Variants in PAK5 observed in about 807,000 individuals in gnomAD.
PAK5 encodes p21 (RAC1) activated kinase 5.
Under a neutral mutation model 65.9 loss-of-function variants are expected in PAK5, and 16 were observed. That is an observed-to-expected ratio of 0.24 (90% CI 0.16 to 0.37). The LOEUF (loss-of-function observed/expected upper bound fraction) is 0.37, where lower values mean the gene tolerates loss of function less well. Ranked by LOEUF, PAK5 falls within the 10% of genes least tolerant of loss-of-function variation. PAK5 has a pLI of 1.00. For missense variants in PAK5, 785 were observed against 903.9 expected (o/e 0.87, Z 1.69); for synonymous variants, 371 against 354.9 (o/e 1.05, Z -0.51).
At chr20:9,753,018 T>C (rs1600328474) in intron 1 of PAK5, among the ~76,000 whole-genome samples, 2 of 152,050 alleles carry the variant, frequency 1.3e-5, no homozygotes, top group African/African-American at 2.4e-5. Flanking sequence ...TCAGTTATCC[T>C]AGAAGTTCCA....
At chr20:9,736,855 C>G (rs1946488516) in intron 1 of PAK5, among the ~76,000 whole-genome samples, 1 of 152,126 alleles carries the variant, frequency 6.6e-6, no homozygotes, top group South Asian at 2.1e-4. Flanking sequence ...CACTATAACA[C>G]ATCATAATTA....
chr20:9,551,518 G>A (rs911790044), intron 7 of PAK5, among the ~76,000 whole-genome samples: 1 of 152,160 alleles, frequency 6.6e-6, no homozygotes, highest in African/African-American at 2.4e-5. Context: ...GTGGAGGGTT[G>A]GGGGCTAGTG....
intron 2 of PAK5, among the ~76,000 whole-genome samples, chr20:9,651,435 C>T (rs1276671578): frequency 1.3e-5 from 2 of 152,092 alleles, no homozygotes; most frequent in Non-Finnish European, 2.9e-5. Context: ...GCTACTTGAC[C>T]CCTATTACAA....
chr20:9,617,579 G>C (rs1414481170), intron 3 of PAK5, among the ~76,000 whole-genome samples: 4 of 99,416 alleles, frequency 4.0e-5, no homozygotes, highest in African/African-American at 1.1e-4. Flanking sequence ...TTTTTGAAAT[G>C]GAGTCTCGCT....
chr20:9,545,233 A>T (rs764042098), intron 7 of PAK5, among the ~76,000 whole-genome samples: 12 of 152,130 alleles, frequency 7.9e-5, no homozygotes, highest in Non-Finnish European at 1.8e-4. Context: ...GGAGGAAAAA[A>T]ACTTGGAAAT....
At chr20:9,694,317 TGTTTGTG>T (rs1569044131) in intron 2 of PAK5, among the ~76,000 whole-genome samples, 3 of 30,972 alleles carry the variant, frequency 9.7e-5, no homozygotes, top group Non-Finnish European at 1.5e-4. Context: ...TGTGTGTGTG[TGTTTGTG>T]TGTGTGTGTG....
chr20:9,619,657 T>C (rs572411288), intron 3 of PAK5, among the ~76,000 whole-genome samples: 20 of 152,352 alleles, frequency 1.3e-4, no homozygotes, highest in African/African-American at 4.8e-4. Flanking sequence ...AGTCTTGCCC[T>C]ATTGAGGTAA....
intron 3 of PAK5, among the ~76,000 whole-genome samples, chr20:9,614,937 T>C (rs1569000019): frequency 6.6e-6 from 1 of 152,240 alleles, no homozygotes; most frequent in South Asian, 2.1e-4. Flanking sequence ...ATTTTTAACT[T>C]GTTACTCTTA....
intron 2 of PAK5, among the ~76,000 whole-genome samples, chr20:9,651,268 T>C (rs1016082852): frequency 6.6e-6 from 1 of 152,162 alleles, no homozygotes; most frequent in Admixed American, 6.5e-5. Context: ...AACTAAGACA[T>C]GAAAAGTGGC....
At chr20:9,569,638 A>G (rs2045741699) in intron 4 of PAK5, among the ~76,000 whole-genome samples, 1 of 152,166 alleles carries the variant, frequency 6.6e-6, no homozygotes, top group Non-Finnish European at 1.5e-5. Context: ...ATCTGGTGAC[A>G]TGGTAGAGGC....
At chr20:9,631,730 A>G (rs1405878823) in intron 3 of PAK5, among the ~76,000 whole-genome samples, 1 of 152,198 alleles carries the variant, frequency 6.6e-6, no homozygotes, top group Non-Finnish European at 1.5e-5. Flanking sequence ...GCTGATATGA[A>G]GGTTCTCAAC....
intron 3 of PAK5, among the ~76,000 whole-genome samples, chr20:9,617,183 C>A (rs1318366924): frequency 1.3e-5 from 2 of 152,196 alleles, no homozygotes; most frequent in African/African-American, 4.8e-5. Context: ...GTAACCCTGC[C>A]AAGTTAAAGC....
Position 9,732,953 on chromosome 20 carries a change from T to A in PAK5, c.-161-21518A>T, listed in dbSNP as rs1396617855. Reference sequence around the variant, plus strand: ...GCATAATCTGGAAAAGACATCAACTTCTCTCTCTTACCAATACTGTTGGAA... The same window carrying A: ...GCATAATCTGGAAAAGACATCAACTACTCTCTCTTACCAATACTGTTGGAA... On this transcript the variant is annotated intron_variant, in intron 1 of 9. Transcript: ENST00000353224. 3.3e-5 allele frequency among the ~76,000 whole-genome samples: 5 copies of A among 152,192 alleles called. No individual in the cohort carries two copies. The South Asian group carries it at 1.0e-3, about 31-fold the overall frequency.
intron 7 of PAK5, among the ~76,000 whole-genome samples, chr20:9,555,588 G>C (rs1288077122): frequency 2.0e-5 from 3 of 152,134 alleles, no homozygotes; most frequent in African/African-American, 7.2e-5. Flanking sequence ...TCAGGCCAGG[G>C]AGGATTCTTG....
chr20:9,709,177 A>T (rs1012548201), intron 2 of PAK5, among the ~76,000 whole-genome samples: 12 of 152,186 alleles, frequency 7.9e-5, no homozygotes, highest in Non-Finnish European at 1.6e-4. Context: ...TATCTAGTCC[A>T]GTGGATGACA....
chr20:9,743,925 G>A (rs1022535), intron 1 of PAK5, among the ~76,000 whole-genome samples: 5 of 151,968 alleles, frequency 3.3e-5, no homozygotes, highest in African/African-American at 1.2e-4. Flanking sequence ...GATTATCCAG[G>A]TGTACCCTAA....
intron 3 of PAK5, among the ~76,000 whole-genome samples, chr20:9,599,706 C>T (rs909276501): frequency 1.3e-5 from 2 of 151,838 alleles, no homozygotes; most frequent in Non-Finnish European, 2.9e-5. Flanking sequence ...TGGGCTGTTT[C>T]TTTTTATTGT....
chr20:9,653,143 A>G (rs1322774488), intron 2 of PAK5, among the ~76,000 whole-genome samples: 1 of 152,230 alleles, frequency 6.6e-6, no homozygotes, highest in Non-Finnish European at 1.5e-5. Flanking sequence ...TAAGGAAAAC[A>G]TATTTAAATT....
chr20:9,812,944 T>A (rs2049314863), intron 1 of PAK5, among the ~76,000 whole-genome samples: 1 of 152,074 alleles, frequency 6.6e-6, no homozygotes, highest in Non-Finnish European at 1.5e-5. Flanking sequence ...TGTACAACTA[T>A]TAGGTATCCA....
Sources: gnomAD v4.1 joint callset for allele counts (sites outside exome capture counted in the v4.1 genomes callset) on GRCh38, gnomAD v4.1.1 for gene constraint, MANE v1.5 for transcripts, NCBI Gene and HGNC (gene_info 2026-07-23, HGNC 2026-07-21) for gene names.